TSHZ2: variants seen among roughly 807,000 people sequenced by gnomAD.
The protein encoded by TSHZ2 is teashirt zinc finger homeobox 2, also known as teashirt homolog 2.
In TSHZ2, 21 loss-of-function variants were observed where a neutral mutation model predicts 74.4. The ratio of observed to expected loss-of-function variants is 0.28; its 90% CI spans 0.20 to 0.41. TSHZ2 has a LOEUF of 0.41. TSHZ2 is among the 10% of genes least tolerant of loss of function. The pLI is 1.00. For synonymous variants in TSHZ2, 540 were observed against 515.3 expected (o/e 1.05, Z -0.65); for missense variants, 1,244 against 1,293.5 (o/e 0.96, Z 0.59).
intron 2 of TSHZ2, among the ~76,000 whole-genome samples, chr20:53,453,354 C>G (rs1249672866): frequency 1.3e-5 from 2 of 152,232 alleles, no homozygotes; most frequent in Non-Finnish European, 2.9e-5. Flanking sequence ...TCTACGAACA[C>G]ATTGTCAATA....
chr20:53,029,954 C>T (rs1367332362), intron 1 of TSHZ2, among the ~76,000 whole-genome samples: 1 of 152,092 alleles, frequency 6.6e-6, no homozygotes, highest in East Asian at 1.9e-4. Context: ...GGATGATATC[C>T]TGTGAGCTGC....
intron 1 of TSHZ2, among the ~76,000 whole-genome samples, chr20:53,029,546 C>T (rs573616165): frequency 5.3e-5 from 8 of 152,240 alleles, no homozygotes; most frequent in East Asian, 1.9e-4. Context: ...CGTGGAGGCA[C>T]GTGCCTGTAA....
chr20:53,280,986 C>T (rs1364458448), intron 2 of TSHZ2, among the ~76,000 whole-genome samples: 2 of 152,268 alleles, frequency 1.3e-5, no homozygotes, highest in Admixed American at 6.5e-5. Context: ...CCACCACGCC[C>T]GGCCAGTCAG....
At chr20:53,461,049 T>G (rs1985342584) in intron 2 of TSHZ2, among the ~76,000 whole-genome samples, 1 of 152,212 alleles carries the variant, frequency 6.6e-6, no homozygotes, top group Non-Finnish European at 1.5e-5. Context: ...CAGGCCTCCT[T>G]GAGCTGTGGT....
intron 2 of TSHZ2, among the ~76,000 whole-genome samples, chr20:53,290,396 C>A (rs570219065): frequency 2.7e-4 from 41 of 152,050 alleles, no homozygotes; most frequent in African/African-American, 9.6e-4. Context: ...TACTCTAAAT[C>A]AAAAACTAAG....
intron 2 of TSHZ2, among the ~76,000 whole-genome samples, chr20:53,463,935 C>T (rs73913768): frequency 1.7e-4 from 26 of 152,296 alleles, no homozygotes; most frequent in African/African-American, 5.5e-4. Flanking sequence ...GACAATGGAC[C>T]GAAGTGCTGA....
chr20:53,105,442 G>C (rs958541774), intron 1 of TSHZ2, among the ~76,000 whole-genome samples: 1 of 152,044 alleles, frequency 6.6e-6, no homozygotes, highest in African/African-American at 2.4e-5. Flanking sequence ...TTCAGATATT[G>C]CCAAATGTCT....
At chr20:53,063,214 A>G (rs545007070) in intron 1 of TSHZ2, among the ~76,000 whole-genome samples, 98 of 152,330 alleles carry the variant, frequency 6.4e-4, no homozygotes, top group African/African-American at 2.3e-3. Flanking sequence ...GGCTTGCCAC[A>G]AACCTTCAAT....
intron 1 of TSHZ2, among the ~76,000 whole-genome samples, chr20:53,236,247 CTT>C (rs1459003214): frequency 3.3e-5 from 5 of 152,186 alleles, no homozygotes; most frequent in Non-Finnish European, 7.3e-5. Context: ...AAGGTTAAGT[CTT>C]TTATTTGCTC....
intron 2 of TSHZ2, among the ~76,000 whole-genome samples, chr20:53,340,473 T>C (rs1715266581): frequency 1.3e-5 from 2 of 152,174 alleles, no homozygotes; most frequent in Admixed American, 6.5e-5. Context: ...CGTGAGCCAC[T>C]GCACCTGGCT....
At chr20:53,342,409 A>G (rs917660659) in intron 2 of TSHZ2, among the ~76,000 whole-genome samples, 1 of 150,474 alleles carries the variant, frequency 6.6e-6, no homozygotes, top group Non-Finnish European at 1.5e-5. Context: ...AATGAACACT[A>G]TTGTTCCATT....
chr20:53,269,306 GA>G (rs77122556), intron 2 of TSHZ2, among the ~76,000 whole-genome samples: 3,081 of 141,562 alleles, frequency 0.022, 127 homozygotes, highest in East Asian at 0.17. Context: ...TTATTTGAAG[GA>G]ATAAAGAGAG....
At chr20:53,095,724 C>T (rs914874593) in intron 1 of TSHZ2, among the ~76,000 whole-genome samples, 1 of 152,118 alleles carries the variant, frequency 6.6e-6, no homozygotes, top group Admixed American at 6.5e-5. Flanking sequence ...AGCAACATCC[C>T]TGGCCTCTAC....
chr20:53,128,402 G>A (rs1987007072), intron 1 of TSHZ2, among the ~76,000 whole-genome samples: 1 of 152,050 alleles, frequency 6.6e-6, no homozygotes, highest in African/African-American at 2.4e-5. Flanking sequence ...TGCTTCACTG[G>A]GGCCAGTGAA....
At chr20:53,368,049 T>A (rs1235523547) in intron 2 of TSHZ2, among the ~76,000 whole-genome samples, 4 of 152,148 alleles carry the variant, frequency 2.6e-5, no homozygotes, top group Non-Finnish European at 4.4e-5. Context: ...CTTGGACTCA[T>A]GAAATTGTTT....
intron 1 of TSHZ2, chr20:53,185,453 T>G: frequency 7.4e-7 from 1 of 1,347,294 alleles, no homozygotes; most frequent in Non-Finnish European, 9.6e-7. Context: ...GGCAGGCAGA[T>G]CAGATCATGA....
chr20:53,482,108 TAAA>T (rs570413572), intron 2 of TSHZ2, among the ~76,000 whole-genome samples: 56 of 74,340 alleles, frequency 7.5e-4, no homozygotes, highest in South Asian at 6.9e-3. Context: ...CTCCATCTCA[TAAA>T]AAAAAAAAAA....
At chr20:53,342,271 T>C (rs1341940788) in intron 2 of TSHZ2, among the ~76,000 whole-genome samples, 1 of 150,106 alleles carries the variant, frequency 6.7e-6, no homozygotes, top group East Asian at 2.0e-4. Flanking sequence ...CTCCTTGGGC[T>C]CTTGTTGGCA....
chr20:52,984,427 A>T (rs2122888999), intron 1 of TSHZ2, among the ~76,000 whole-genome samples: 1 of 152,240 alleles, frequency 6.6e-6, no homozygotes, highest in East Asian at 1.9e-4. Flanking sequence ...TGCGGAAGTG[A>T]TACTGGGTCT....
Sources: allele counts gnomAD v4.1 joint callset (sites outside exome capture counted in the v4.1 genomes callset), GRCh38; gene constraint gnomAD v4.1.1; transcripts MANE v1.5; gene names NCBI Gene and HGNC (gene_info 2026-07-23, HGNC 2026-07-21).